CNTN4: variants seen among roughly 807,000 people sequenced by gnomAD.
The protein encoded by CNTN4 is contactin 4, also known as contactin-4.
A neutral mutation model predicts 122.5 loss-of-function variants in CNTN4; 77 were observed. That is an observed-to-expected ratio of 0.63 (90% CI 0.52 to 0.76). The LOEUF is 0.76. Among genes scored for constraint, CNTN4 ranks in the 30% least tolerant of loss-of-function variants. CNTN4 has a pLI of 0.00. For synonymous variants in CNTN4, 512 were observed against 447.0 expected (o/e 1.15, Z -1.83); for missense variants, 1,256 against 1,259.1 (o/e 1.00, Z 0.04).
chr3:2,806,267 C>CTTTCTTT (rs1576864971), intron 6 of CNTN4, among the ~76,000 whole-genome samples: 1 of 152,190 alleles, frequency 6.6e-6, no homozygotes, highest in East Asian at 1.9e-4. Flanking sequence ...GCTCTACATA[C>CTTTCTTT]TTTCTTTACA....
chr3:2,191,639 C>A (rs73807014), intron 2 of CNTN4, among the ~76,000 whole-genome samples: 3,722 of 151,946 alleles, frequency 0.024, 147 homozygotes, highest in African/African-American at 0.086. Flanking sequence ...CAGGCCCCAA[C>A]TGCCTACAAC....
At chr3:2,710,577 AT>A (rs966708913) in intron 4 of CNTN4, among the ~76,000 whole-genome samples, 1 of 151,906 alleles carries the variant, frequency 6.6e-6, no homozygotes, top group Non-Finnish European at 1.5e-5. Flanking sequence ...TGTCAATTGC[AT>A]TTTTTTTAAT....
At chr3:2,748,769 A>G (rs10470657) in intron 6 of CNTN4, among the ~76,000 whole-genome samples, 7,563 of 152,192 alleles carry the variant, frequency 0.05, 637 homozygotes, top group African/African-American at 0.17. Flanking sequence ...CCTTTCCTTA[A>G]CCATTTATCC....
rs371825027 is a variant in CNTN4, at chr3:2,601,215, A to G, written c.55+29657A>G. Among the ~76,000 whole-genome samples, 3 of 152,008 alleles carry G rather than the reference A, an allele frequency of 2.0e-5. No individual in the cohort carries two copies. In the East Asian group the frequency reaches 5.8e-4, roughly 29 times the overall value. Reference sequence around the variant, plus strand: ...AAGCTCTTTAGTTTAATTAGATCCCATTTGTCTATTTTGGCTTTTGTTGCC... The same window carrying G: ...AAGCTCTTTAGTTTAATTAGATCCCGTTTGTCTATTTTGGCTTTTGTTGCC... On this transcript the variant is annotated intron_variant, in intron 4 of 24. Transcript: ENST00000418658.
chr3:2,365,186 T>C (rs572461647), intron 3 of CNTN4, among the ~76,000 whole-genome samples: 1 of 152,186 alleles, frequency 6.6e-6, no homozygotes, highest in Non-Finnish European at 1.5e-5. Context: ...GGATCTCTTT[T>C]CTTCTCCTCA....
intron 8 of CNTN4, among the ~76,000 whole-genome samples, chr3:2,879,218 G>A (rs569050628): frequency 5.9e-5 from 9 of 152,118 alleles, no homozygotes; most frequent in African/African-American, 1.4e-4. Context: ...AGAATGTCAC[G>A]TGACAACCGA....
chr3:2,586,182 AC>A (rs573736045), intron 4 of CNTN4, among the ~76,000 whole-genome samples: 3 of 152,178 alleles, frequency 2.0e-5, no homozygotes, highest in Non-Finnish European at 4.4e-5. Context: ...AGAACCAGAT[AC>A]TTCCCACCTA....
At chr3:2,378,745 T>G (rs9826250) in intron 3 of CNTN4, among the ~76,000 whole-genome samples, 1 of 151,970 alleles carries the variant, frequency 6.6e-6, no homozygotes, top group Non-Finnish European at 1.5e-5. Context: ...CCTTTTTTTT[T>G]TTGAAGAAGG....
At chr3:2,859,274 A>G (rs2093648823) in intron 7 of CNTN4, among the ~76,000 whole-genome samples, 1 of 152,220 alleles carries the variant, frequency 6.6e-6, no homozygotes, top group African/African-American at 2.4e-5. Flanking sequence ...TCCACTGTGT[A>G]TATATATCAC....
At chr3:2,125,112 C>T (rs1027606805) in intron 2 of CNTN4, among the ~76,000 whole-genome samples, 1 of 152,114 alleles carries the variant, frequency 6.6e-6, no homozygotes, top group Admixed American at 6.5e-5. Context: ...AACAATAACT[C>T]TCCATTTTTC....
intron 4 of CNTN4, among the ~76,000 whole-genome samples, chr3:2,706,319 C>G (rs1187741533): frequency 6.6e-6 from 1 of 151,990 alleles, no homozygotes; most frequent in Non-Finnish European, 1.5e-5. Flanking sequence ...AGACTACACT[C>G]CATTGTCATT....
intron 2 of CNTN4, among the ~76,000 whole-genome samples, chr3:2,292,407 T>C (rs1286472712): frequency 6.6e-6 from 1 of 152,202 alleles, no homozygotes; most frequent in Non-Finnish European, 1.5e-5. Flanking sequence ...ATGACAACTT[T>C]GTTTTGCTTT....
intron 2 of CNTN4, among the ~76,000 whole-genome samples, chr3:2,137,634 A>G (rs752620651): frequency 6.6e-6 from 1 of 152,216 alleles, no homozygotes; most frequent in Non-Finnish European, 1.5e-5. Flanking sequence ...TAGAAAAAAG[A>G]TTGCATTTTG....
At chr3:2,874,180 T>G (rs1209430998) in intron 8 of CNTN4, among the ~76,000 whole-genome samples, 1 of 152,216 alleles carries the variant, frequency 6.6e-6, no homozygotes, top group Non-Finnish European at 1.5e-5. Flanking sequence ...CAATTCCATT[T>G]CAGGTCCATG....
chr3:2,729,393 AAATT>A (rs2088492393), intron 4 of CNTN4, among the ~76,000 whole-genome samples: 1 of 148,698 alleles, frequency 6.7e-6, no homozygotes, highest in Non-Finnish European at 1.5e-5. Context: ...AATTAACAAA[AAATT>A]AGCCGGGCGT....
At chr3:2,977,048 C>G (rs1432151971) in intron 13 of CNTN4, among the ~76,000 whole-genome samples, 1 of 152,310 alleles carries the variant, frequency 6.6e-6, no homozygotes, top group East Asian at 1.9e-4. Context: ...GGCTAATTCT[C>G]CTGTTGATAG....
At chr3:3,037,834 C>A (rs1040020331) in intron 18 of CNTN4, among the ~76,000 whole-genome samples, 1 of 152,198 alleles carries the variant, frequency 6.6e-6, no homozygotes, top group Admixed American at 6.5e-5. Context: ...TTCAGAACAT[C>A]GTGCTCATTC....
intron 2 of CNTN4, among the ~76,000 whole-genome samples, chr3:2,197,648 G>T (rs2037907512): frequency 6.6e-6 from 1 of 152,084 alleles, no homozygotes; most frequent in Admixed American, 6.6e-5. Context: ...TCTGCTTTCA[G>T]CTGTATCCTA....
At chr3:2,811,111 C>G (rs969563503) in intron 6 of CNTN4, among the ~76,000 whole-genome samples, 1 of 151,918 alleles carries the variant, frequency 6.6e-6, no homozygotes, top group Admixed American at 6.6e-5. Context: ...TTAGACCTAG[C>G]ATAAGATTTT....
Sources: allele counts gnomAD v4.1 joint callset (sites outside exome capture counted in the v4.1 genomes callset), GRCh38; gene constraint gnomAD v4.1.1; transcripts MANE v1.5; gene names NCBI Gene and HGNC (gene_info 2026-07-23, HGNC 2026-07-21).